PSMF1: variants seen among roughly 807,000 people sequenced by gnomAD.
PSMF1 encodes proteasome inhibitor subunit 1, also known as proteasome inhibitor PI31 subunit.
In PSMF1, 30 loss-of-function variants were observed where a neutral mutation model predicts 29.3. That is an observed-to-expected ratio of 1.02 (90% CI 0.77 to 1.39). The LOEUF (loss-of-function observed/expected upper bound fraction) is 1.39, where lower values mean the gene tolerates loss of function less well. Among genes scored for constraint, PSMF1 ranks in the 40% most tolerant of loss-of-function variants. PSMF1 has a pLI of 0.00. For missense variants in PSMF1, 344 were observed against 357.5 expected, an observed-to-expected ratio of 0.96 and a Z score of 0.31; for synonymous variants, 134 against 139.7, an observed-to-expected ratio of 0.96 and a Z score of 0.29.
intron 4 of PSMF1, among the ~76,000 whole-genome samples, chr20:1,159,367 G>A (rs953306696): frequency 2.0e-5 from 3 of 151,816 alleles, no homozygotes; most frequent in Admixed American, 2.0e-4. Flanking sequence ...TGCTATGCTG[G>A]CCAGGCTGGT....
At position 1,127,461 on chromosome 20, in the gene PSMF1, G is replaced by T. The variant is rs559251019; in HGVS notation, c.318G>T (p.Leu106=). The T allele has an allele frequency of 8.7e-6, 14 of 1,609,144 alleles. No individual in the cohort carries two copies. In the Middle Eastern group the frequency reaches 5.0e-4, roughly 57 times the overall value. The change falls in exon 3 of 7, where the codon CTG becomes CTT. Residue 106 remains leucine (L), a synonymous_variant. Transcript: ENST00000335877. ...CACAGCAAGTGGCAGACTTGACCCT[G>T]AACTTGGATGATTATATCGATGCAG... The part of the protein sequence containing the change: ...YGSQQVADLT[L]NLDDYIDAEH...
chr20:1,147,796 T>A (rs1166812774), intron 4 of PSMF1, among the ~76,000 whole-genome samples: 1 of 152,148 alleles, frequency 6.6e-6, no homozygotes, highest in African/African-American at 2.4e-5. Flanking sequence ...TCACCACCAC[T>A]TTGCTCAGCA....
chr20:1,138,985 G>A (rs1015710576), intron 4 of PSMF1, among the ~76,000 whole-genome samples: 2 of 152,150 alleles, frequency 1.3e-5, no homozygotes, highest in Non-Finnish European at 2.9e-5. Flanking sequence ...AGATCAGCCT[G>A]GCCAACATGG....
At chr20:1,120,144 C>G (rs1471990082) in intron 1 of PSMF1, among the ~76,000 whole-genome samples, 1 of 152,062 alleles carries the variant, frequency 6.6e-6, no homozygotes, top group Non-Finnish European at 1.5e-5. Context: ...ATACCCCTCT[C>G]ACACTTTACC....
chr20:1,147,721 C>T (rs2086472520), intron 4 of PSMF1, among the ~76,000 whole-genome samples: 1 of 152,186 alleles, frequency 6.6e-6, no homozygotes. Context: ...TATTCCTTGG[C>T]CAGCCCCATT....
At chr20:1,142,170 T>G (rs1344610636) in intron 4 of PSMF1, among the ~76,000 whole-genome samples, 1 of 152,148 alleles carries the variant, frequency 6.6e-6, no homozygotes, top group African/African-American at 2.4e-5. Flanking sequence ...TGCAGTGAGC[T>G]GAGATCGCGC....
chr20:1,141,701 T>C (rs898303921), intron 4 of PSMF1, among the ~76,000 whole-genome samples: 1 of 152,092 alleles, frequency 6.6e-6, no homozygotes, highest in Admixed American at 6.5e-5. Context: ...AAAAGAATTA[T>C]CATACAGATA....
chr20:1,145,226 A>T (rs2086434878), intron 4 of PSMF1, among the ~76,000 whole-genome samples: 2 of 152,168 alleles, frequency 1.3e-5, no homozygotes, highest in East Asian at 1.9e-4. Context: ...AAGGGTTTTT[A>T]AAATTTAGAT....
intron 3 of PSMF1, among the ~76,000 whole-genome samples, chr20:1,132,557 G>C (rs1191333700): frequency 6.6e-6 from 1 of 152,074 alleles, no homozygotes; most frequent in Non-Finnish European, 1.5e-5. Context: ...TTACAGACGT[G>C]AGCCACCGCA....
At chr20:1,117,786 A>G (rs2086026754), upstream of PSMF1, 2 of 152,272 alleles carry the variant, frequency 1.3e-5, no homozygotes. Context: ...CAGGTTAGTG[A>G]CTGGGATGGG....
chr20:1,162,141 CT>C (rs1273112314), intron 4 of PSMF1, among the ~76,000 whole-genome samples: 1 of 152,174 alleles, frequency 6.6e-6, no homozygotes, highest in Non-Finnish European at 1.5e-5. Flanking sequence ...TCATTTCTGT[CT>C]TGCCTGTAGG....
chr20:1,127,967 C>G (rs2086181438), intron 3 of PSMF1, among the ~76,000 whole-genome samples: 1 of 152,226 alleles, frequency 6.6e-6, no homozygotes, highest in Non-Finnish European at 1.5e-5. Flanking sequence ...TTCCCTGTGT[C>G]AATATCCCAT....
rs577465246 is a variant in PSMF1 at position 1,139,977 on chromosome 20, A to C, written c.551+4671A>C. On this transcript the variant is annotated intron_variant, in intron 4 of 6. Transcript: ENST00000335877. ...TTAAAGATTTAAGTAAAGGAAAGACATTCTGTGCTCACGGCTAGGAAGAAT... is the reference window on the plus strand; with the variant it reads ...TTAAAGATTTAAGTAAAGGAAAGACCTTCTGTGCTCACGGCTAGGAAGAAT... 2.0e-5 allele frequency among the ~76,000 whole-genome samples: 3 copies of C among 152,322 alleles called. No individual in the cohort carries two copies. The South Asian group carries it at 6.2e-4, about 32-fold the overall frequency.
In PSMF1 at chr20:1,159,527, A is replaced by C. The variant is rs182836892; in HGVS notation, c.552-3603A>C. 3.5e-4 allele frequency among the ~76,000 whole-genome samples: 54 copies of C among 152,266 alleles called. 1 individual carries two copies. In the East Asian group the frequency reaches 0.01, roughly 28 times the overall value. ...CTCTCTTCCCCACATTTCGTGGGCC[A>C]GAGAGAAAAATAGAGATGGTTGCAT... On this transcript the variant is annotated intron_variant, in intron 4 of 6. Transcript: ENST00000335877.
chr20:1,129,863 T>G (rs554604456), intron 3 of PSMF1, among the ~76,000 whole-genome samples: 1 of 152,338 alleles, frequency 6.6e-6, no homozygotes, highest in East Asian at 1.9e-4. Flanking sequence ...GAAAAGATAT[T>G]TGTACACCCA....
In PSMF1 at chr20:1,165,231, T is replaced by C. The variant is rs2086714626; in HGVS notation, c.*151T>C. 5.5e-6 allele frequency: 8 copies of C among 1,460,480 alleles called. No individual in the cohort carries two copies. Among genetic ancestry groups the C allele is most frequent in the East Asian group, 5.1e-5 (2 of 39,462 alleles). 90.5% of individuals were successfully genotyped at this position (1,460,480 alleles called of 1,614,324 possible). On this transcript the variant is annotated 3_prime_UTR_variant, in exon 7 of 7. Transcript: ENST00000335877. ...GCTGGGATAGCCTCCCCACCCCTTA[T>C]CAGAGCCAAGACACCTGCTGCAGCT... is the stretch of plus-strand genomic sequence containing the variant.
intron 4 of PSMF1, among the ~76,000 whole-genome samples, chr20:1,161,925 A>G (rs1008469978): frequency 1.3e-5 from 2 of 152,026 alleles, no homozygotes; most frequent in Admixed American, 6.6e-5. Flanking sequence ...TTTGTTTAAT[A>G]CTCTACATAT....
chr20:1,153,329 T>C (rs1164163425), intron 4 of PSMF1, among the ~76,000 whole-genome samples: 2 of 152,118 alleles, frequency 1.3e-5, no homozygotes, highest in Non-Finnish European at 2.9e-5. Flanking sequence ...AGAATTCAGT[T>C]CCTTGCGGTT....
chr20:1,133,622 A>C (rs2086265473), intron 3 of PSMF1, among the ~76,000 whole-genome samples: 1 of 122,488 alleles, frequency 8.2e-6, no homozygotes, highest in Non-Finnish European at 1.7e-5. Flanking sequence ...CCAGAGTAAT[A>C]CTGGTCTCAT....
Sources: gnomAD v4.1 joint callset for allele counts (sites outside exome capture counted in the v4.1 genomes callset) on GRCh38, gnomAD v4.1.1 for gene constraint, MANE v1.5 for transcripts, NCBI Gene and HGNC (gene_info 2026-07-23, HGNC 2026-07-21) for gene names.